The following ZBTB40 variants were observed in gnomAD, a reference collection of about 807,000 sequenced individuals.
ZBTB40 encodes zinc finger and BTB domain containing 40, also known as zinc finger and BTB domain-containing protein 40.
Under a neutral mutation model 117.5 loss-of-function variants are expected in ZBTB40, and 60 were observed. The ratio of observed to expected loss-of-function variants is 0.51; its 90% CI spans 0.41 to 0.63. The LOEUF is 0.63. Ranked by LOEUF, ZBTB40 falls within the 30% of genes least tolerant of loss-of-function variation. The pLI, the probability that ZBTB40 is intolerant of heterozygous loss-of-function variation, is 0.00. For synonymous variants in ZBTB40, 525 were observed against 577.1 expected, an observed-to-expected ratio of 0.91 and a Z score of 1.29; for missense variants, 1,287 against 1,498.5, an observed-to-expected ratio of 0.86 and a Z score of 2.33.
At position 22,513,111 on chromosome 1, in the gene ZBTB40, C is replaced by T. The variant is rs1639285930; in HGVS notation, c.2649C>T (p.Thr883=). 6.2e-7 allele frequency: 1 copy of T among 1,613,930 alleles called. No homozygotes were observed. Among genetic ancestry groups the T allele is most frequent in the South Asian group, 1.1e-5 (1 of 91,066 alleles). The change falls in exon 12 of 18, where the codon ACC becomes ACT. Residue 883 remains threonine (T), a synonymous_variant. Transcript: ENST00000375647. This position sits in a 1 kb window ranked among gnomAD's most constrained non-coding sequence, Gnocchi z 4.9. The part of the protein sequence containing the change: ...FTQASALAYH[T]KKKHSEGKMY... Reference sequence around the variant, plus strand: ...AGGCCTCCGCCCTGGCCTATCACACCAAGAAGAAGCACTCAGAAGGTAAGG... The same window carrying T: ...AGGCCTCCGCCCTGGCCTATCACACTAAGAAGAAGCACTCAGAAGGTAAGG...
Position 22,530,465 on chromosome 1 carries a change from C to T in ZBTB40, c.*4069C>T, listed in dbSNP as rs1303905563. On this transcript the variant is annotated 3_prime_UTR_variant, in exon 18 of 18. Transcript: ENST00000375647. ...ATAAGGAAGAGAGAAGCTGTCTGTA[C>T]TTTGGGGACTACATTGCTGAAGGAA... 1.3e-5 allele frequency: 2 copies of T among 152,206 alleles called. No homozygotes were observed. The highest frequency in any genetic ancestry group is 4.8e-5 in the African/African-American group (2 of 41,400). The allele number at this position is 152,206 out of a possible 1,614,324, so 9.4% of individuals were successfully genotyped here. A position where few individuals can be genotyped will look rare whatever the true frequency, so the allele number is the denominator to read the frequency against.
At chr1:22,522,603 G>A (rs1036490589) in intron 16 of ZBTB40, 140 bp downstream of exon 16, 2 of 819,156 alleles carry the variant, frequency 2.4e-6, no homozygotes, top group East Asian at 2.5e-5. Context: ...GGGAACAGTT[G>A]TAGCACCTGC....
At chr1:22,512,216 T>G in intron 11 of ZBTB40, 82 bp downstream of exon 11, 3 of 1,472,980 alleles carry the variant, frequency 2.0e-6, no homozygotes. Flanking sequence ...CTTAGTTGTG[T>G]GCAGTGAGGG....
chr1:22,463,017 G>A (rs1641166511), intron 1 of ZBTB40, among the ~76,000 whole-genome samples: 1 of 152,162 alleles, frequency 6.6e-6, no homozygotes, highest in African/African-American at 2.4e-5. Flanking sequence ...TGTTAACAGT[G>A]TTACAGGAAC....
intron 3 of ZBTB40, among the ~76,000 whole-genome samples, chr1:22,497,824 C>G (rs1638818781): frequency 6.6e-6 from 1 of 152,160 alleles, no homozygotes; most frequent in East Asian, 1.9e-4. Context: ...TGAAGTTCAT[C>G]TAAAGTAGTA....
At chr1:22,471,799 A>G (rs1178725473) in intron 1 of ZBTB40, among the ~76,000 whole-genome samples, 1 of 152,206 alleles carries the variant, frequency 6.6e-6, no homozygotes, top group Non-Finnish European at 1.5e-5. Flanking sequence ...GATGAGCTTG[A>G]CAGCTGTAGT....
intron 16 of ZBTB40, among the ~76,000 whole-genome samples, chr1:22,522,928 G>A (rs1217621496): frequency 1.5e-5 from 2 of 132,584 alleles, no homozygotes; most frequent in Non-Finnish European, 3.1e-5. Flanking sequence ...CACCATGCTC[G>A]ACTAAATAAG....
At chr1:22,463,174 A>G (rs1641170052) in intron 1 of ZBTB40, among the ~76,000 whole-genome samples, 1 of 152,158 alleles carries the variant, frequency 6.6e-6, no homozygotes, top group Non-Finnish European at 1.5e-5. Context: ...TTAGCTGGTA[A>G]GAGGGGCAGA....
chr1:22,475,774 T>G (rs1003859790), intron 1 of ZBTB40, among the ~76,000 whole-genome samples: 1 of 152,254 alleles, frequency 6.6e-6, no homozygotes, highest in Non-Finnish European at 1.5e-5. Context: ...GATCTTGTTT[T>G]ACTTACCTTT....
chr1:22,431,295 T>C (rs890820760), intron 1 of ZBTB40, among the ~76,000 whole-genome samples: 2 of 146,536 alleles, frequency 1.4e-5, no homozygotes, highest in Non-Finnish European at 3.0e-5. Context: ...ATATATTGAA[T>C]ATATTGAATA....
intron 1 of ZBTB40, among the ~76,000 whole-genome samples, chr1:22,481,425 T>C (rs969906220): frequency 6.6e-6 from 1 of 152,204 alleles, no homozygotes; most frequent in Non-Finnish European, 1.5e-5. Context: ...CTTTTTAGTA[T>C]CTATATATTG....
At chr1:22,492,759 C>G (rs1638667429) in intron 3 of ZBTB40, among the ~76,000 whole-genome samples, 1 of 152,220 alleles carries the variant, frequency 6.6e-6, no homozygotes, top group Admixed American at 6.5e-5. Context: ...CAAGGCTAGG[C>G]TAACCCTGAT....
intron 3 of ZBTB40, among the ~76,000 whole-genome samples, chr1:22,493,981 C>T: frequency 6.6e-6 from 1 of 151,904 alleles, no homozygotes; most frequent in Admixed American, 6.6e-5. Context: ...CCTCAGTGTC[C>T]TCGTTTGTAA....
At chr1:22,477,163 G>A (rs1454149851) in intron 1 of ZBTB40, among the ~76,000 whole-genome samples, 1 of 152,142 alleles carries the variant, frequency 6.6e-6, no homozygotes, top group Non-Finnish European at 1.5e-5. Flanking sequence ...ACAGAATTGT[G>A]TTCCTGAAAG....
At chr1:22,525,932 G>A (rs1016767643) in intron 17 of ZBTB40, among the ~76,000 whole-genome samples, 4 of 152,180 alleles carry the variant, frequency 2.6e-5, no homozygotes, top group African/African-American at 4.8e-5. Context: ...GCCAGTGTTC[G>A]CTGGTGTATA....
At chr1:22,490,982 G>A (rs1465380112) in intron 2 of ZBTB40, among the ~76,000 whole-genome samples, 5 of 152,138 alleles carry the variant, frequency 3.3e-5, no homozygotes, top group South Asian at 2.1e-4. Context: ...TGCAACCTCC[G>A]CCTCCTGGGT....
At chr1:22,477,548 C>T (rs771337686) in intron 1 of ZBTB40, among the ~76,000 whole-genome samples, 9 of 151,620 alleles carry the variant, frequency 5.9e-5, no homozygotes. Context: ...ACTCAGGCAG[C>T]TGAGGCAGGA....
upstream of ZBTB40, among the ~76,000 whole-genome samples, chr1:22,448,672 C>A (rs994494732): frequency 6.6e-6 from 1 of 151,980 alleles, no homozygotes; most frequent in Admixed American, 6.6e-5. Context: ...AAAAATGTTA[C>A]CTACTTCATT....
At chr1:22,449,690 TA>T (rs555423029), upstream of ZBTB40, among the ~76,000 whole-genome samples, 2 of 152,332 alleles carry the variant, frequency 1.3e-5, no homozygotes, top group East Asian at 3.9e-4. Context: ...TGTATTCATT[TA>T]AAAAAAGTTA....
Sources: allele counts gnomAD v4.1 joint callset (sites outside exome capture counted in the v4.1 genomes callset), GRCh38; gene constraint gnomAD v4.1.1; non-coding constraint Gnocchi (gnomAD v3.1); transcripts MANE v1.5; gene names NCBI Gene and HGNC (gene_info 2026-07-23, HGNC 2026-07-21).